MARCHF11: variants seen among roughly 807,000 people sequenced by gnomAD.
The protein encoded by MARCHF11 is E3 ubiquitin-protein ligase MARCHF11.
MARCHF11 carries 29 observed loss-of-function variants against 37.3 expected under a neutral mutation model. The observed-to-expected ratio is 0.78, with a 90% CI of 0.58 to 1.06. MARCHF11 has a LOEUF of 1.06. MARCHF11 is among the 50% of genes least tolerant of loss of function. MARCHF11 has a pLI of 0.00. For synonymous variants in MARCHF11, 233 were observed against 228.0 expected, an observed-to-expected ratio of 1.02 and a Z score of -0.20; for missense variants, 482 against 533.4, an observed-to-expected ratio of 0.90 and a Z score of 0.95.
At chr5:16,150,154 T>C (rs1737868235) in intron 2 of MARCHF11, among the ~76,000 whole-genome samples, 1 of 149,418 alleles carries the variant, frequency 6.7e-6, no homozygotes, top group South Asian at 2.1e-4. Flanking sequence ...TTATGCACTT[T>C]ATTCTCTGTG....
intron 3 of MARCHF11, among the ~76,000 whole-genome samples, chr5:16,074,542 T>G (rs1322103821): frequency 7.2e-5 from 11 of 152,208 alleles, no homozygotes; most frequent in Non-Finnish European, 1.5e-4. Context: ...CTGTTGACTA[T>G]AAATGGTATA....
intron 2 of MARCHF11, among the ~76,000 whole-genome samples, chr5:16,100,083 G>A (rs143516574): frequency 4.9e-4 from 75 of 152,266 alleles, no homozygotes; most frequent in African/African-American, 1.7e-3. Context: ...AGCACCCTGA[G>A]GGATGGGTTA....
intron 2 of MARCHF11, among the ~76,000 whole-genome samples, chr5:16,114,744 C>A (rs1033542339): frequency 6.6e-6 from 1 of 151,982 alleles, no homozygotes; most frequent in African/African-American, 2.4e-5. Flanking sequence ...TCCACCCTGG[C>A]CTCCCAAAGT....
At chr5:16,126,658 C>A (rs1164111195) in intron 2 of MARCHF11, among the ~76,000 whole-genome samples, 7 of 152,126 alleles carry the variant, frequency 4.6e-5, no homozygotes, top group Non-Finnish European at 1.0e-4. Flanking sequence ...ATACTATATT[C>A]TTTCTCCAGT....
At chr5:16,153,226 A>G (rs1579415219) in intron 2 of MARCHF11, among the ~76,000 whole-genome samples, 1 of 152,128 alleles carries the variant, frequency 6.6e-6, no homozygotes, top group African/African-American at 2.4e-5. Flanking sequence ...GAAAAGCAAG[A>G]GATTTATCCA....
In MARCHF11 at chr5:16,067,726, G is replaced by T; in HGVS notation, c.954C>A (p.His318Gln). The change falls in exon 4 of 4, where the codon CAC (histidine) becomes CAA (glutamine). Residue 318 changes from histidine (H) to glutamine (Q), a missense_variant. His to Gln is a conservative substitution (Grantham distance 24). Coordinates refer to ENST00000332432, the MANE Select transcript of MARCHF11 (RefSeq NM_001102562.3). ...VFKRWRAVNL[H>Q]WDVLNYDKAT... Reference sequence around the variant, plus strand: ...CTTTGTCATAATTTAACACATCCCAGTGCAAATTCACAGCTCGCCAGCGCT... The same window carrying T: ...CTTTGTCATAATTTAACACATCCCATTGCAAATTCACAGCTCGCCAGCGCT... 1.2e-6 allele frequency: 2 copies of T among 1,613,888 alleles called. No individual in the cohort carries two copies. The highest frequency in any genetic ancestry group is 1.1e-5 in the South Asian group (1 of 91,082).
intron 2 of MARCHF11, among the ~76,000 whole-genome samples, chr5:16,115,494 T>C (rs533441226): frequency 6.6e-6 from 1 of 152,362 alleles, no homozygotes; most frequent in African/African-American, 2.4e-5. Flanking sequence ...GGATAATTTT[T>C]ATTTTAGCGT....
intron 2 of MARCHF11, among the ~76,000 whole-genome samples, chr5:16,112,531 T>C (rs1201342561): frequency 6.6e-6 from 1 of 152,224 alleles, no homozygotes; most frequent in Non-Finnish European, 1.5e-5. Context: ...GTACCCACAT[T>C]GTATCTAGGA....
At chr5:16,120,502 T>C (rs1225132041) in intron 2 of MARCHF11, among the ~76,000 whole-genome samples, 1 of 152,220 alleles carries the variant, frequency 6.6e-6, no homozygotes, top group Non-Finnish European at 1.5e-5. Flanking sequence ...AAGCTCTGCT[T>C]CACACGCTCA....
At chr5:16,150,129 T>G (rs1347670354) in intron 2 of MARCHF11, among the ~76,000 whole-genome samples, 1 of 149,444 alleles carries the variant, frequency 6.7e-6, no homozygotes, top group Non-Finnish European at 1.5e-5. Flanking sequence ...ATTTATCAAG[T>G]TATACAGTTT....
At chr5:16,102,556 T>C (rs980254711) in intron 2 of MARCHF11, among the ~76,000 whole-genome samples, 2 of 152,178 alleles carry the variant, frequency 1.3e-5, no homozygotes, top group African/African-American at 4.8e-5. Context: ...TCGGAGACTA[T>C]GGCCAGAGGA....
intron 2 of MARCHF11, among the ~76,000 whole-genome samples, chr5:16,138,229 G>T (rs1737639745): frequency 6.6e-6 from 1 of 152,108 alleles, no homozygotes; most frequent in Admixed American, 6.6e-5. Context: ...CGGAGCTCAG[G>T]GCCCCCTACT....
In MARCHF11 at chr5:16,130,251, T is replaced by TACACAC. The variant is rs56978661; in HGVS notation, c.694-39176_694-39171dup. Reference sequence around the variant, plus strand: ...TAAAAGACCGTAAATTCCAGGTACATACACACACACACACACACACACACA... The same window carrying TACACAC: ...TAAAAGACCGTAAATTCCAGGTACATACACACACACACACACACACACACACACACA... On this transcript the variant is annotated intron_variant, in intron 2 of 3. Transcript: ENST00000332432. Among the ~76,000 whole-genome samples, 173 of 144,362 alleles carry TACACAC rather than the reference T, an allele frequency of 1.2e-3. 1 individual carries two copies. Among genetic ancestry groups the TACACAC allele is most frequent in the Middle Eastern group, 3.5e-3 (1 of 288 alleles). 94.7% of individuals were successfully genotyped at this position (144,362 alleles called of 152,430 possible).
chr5:16,113,895 T>G (rs1737187644), intron 2 of MARCHF11, among the ~76,000 whole-genome samples: 1 of 152,200 alleles, frequency 6.6e-6, no homozygotes, highest in African/African-American at 2.4e-5. Flanking sequence ...TAACTGTATG[T>G]TTGTACCCAA....
intron 2 of MARCHF11, among the ~76,000 whole-genome samples, chr5:16,109,184 C>T (rs1055146238): frequency 1.3e-5 from 2 of 151,488 alleles, no homozygotes; most frequent in Non-Finnish European, 2.9e-5. Context: ...CTCCTAGAAC[C>T]CTTGGAATCT....
intron 3 of MARCHF11, among the ~76,000 whole-genome samples, chr5:16,077,336 A>G (rs1736538405): frequency 1.3e-5 from 2 of 152,034 alleles, no homozygotes; most frequent in Non-Finnish European, 2.9e-5. Context: ...TCCAACGGAT[A>G]AACTGTCTAC....
chr5:16,104,396 A>G (rs1737003966), intron 2 of MARCHF11, among the ~76,000 whole-genome samples: 2 of 152,150 alleles, frequency 1.3e-5, no homozygotes, highest in South Asian at 4.1e-4. Context: ...TGTGGTGATA[A>G]AAGTTGAACA....
intron 3 of MARCHF11, among the ~76,000 whole-genome samples, chr5:16,081,178 G>A (rs566561350): frequency 1.3e-5 from 2 of 152,188 alleles, no homozygotes; most frequent in Non-Finnish European, 2.9e-5. Context: ...TTTCTCTCCT[G>A]GCACTTTCAG....
intron 2 of MARCHF11, among the ~76,000 whole-genome samples, chr5:16,162,373 T>C (rs929555700): frequency 6.6e-6 from 1 of 151,992 alleles, no homozygotes; most frequent in African/African-American, 2.4e-5. Flanking sequence ...AGTTCACTCA[T>C]GGAAAACTAA....
Sources: allele counts gnomAD v4.1 joint callset (sites outside exome capture counted in the v4.1 genomes callset), GRCh38; gene constraint gnomAD v4.1.1; transcripts MANE v1.5; gene names NCBI Gene and HGNC (gene_info 2026-07-23, HGNC 2026-07-21).